SLC1A5: variants seen among roughly 807,000 people sequenced by gnomAD.
SLC1A5 encodes solute carrier family 1 member 5.
SLC1A5 carries 25 observed loss-of-function variants against 34.9 expected under a neutral mutation model. That is an observed-to-expected ratio of 0.72 (90% CI 0.52 to 1.00). SLC1A5 has a LOEUF of 1.00. Ranked by LOEUF, SLC1A5 falls within the 50% of genes least tolerant of loss-of-function variation. The pLI, the probability that SLC1A5 is intolerant of heterozygous loss-of-function variation, is 0.00. For synonymous variants in SLC1A5, 351 were observed against 341.2 expected (o/e 1.03, Z -0.32); for missense variants, 637 against 740.0 (o/e 0.86, Z 1.61).
At chr19:46,782,108 C>T (rs111759605) in intron 4 of SLC1A5, among the ~76,000 whole-genome samples, 26 of 152,220 alleles carry the variant, frequency 1.7e-4, no homozygotes, top group African/African-American at 6.0e-4. Flanking sequence ...GTTGGCCAGG[C>T]TGGTTTTGAA....
intron 4 of SLC1A5, 38 bp downstream of exon 4, chr19:46,782,345 A>ACCCCCCCCCCC: frequency 3.4e-6 from 1 of 292,428 alleles, no homozygotes; most frequent in Non-Finnish European, 6.7e-6. Context: ...CCGACCCTCC[A>ACCCCCCCCCCC]ACCCCACCCA....
Position 46,787,903 on chromosome 19 carries a change from C to T in SLC1A5, c.63G>A (p.Gly21=). 2 of 1,573,582 alleles carry T rather than the reference C, an allele frequency of 1.3e-6. No individual in the cohort carries two copies. The highest frequency in any genetic ancestry group is 1.7e-6 in the Non-Finnish European group (2 of 1,161,086). The change falls in exon 1 of 8, where the codon GGG becomes GGA. Residue 21 remains glycine (G), a synonymous_variant. Transcript: ENST00000542575. This position sits in a 1 kb window ranked among gnomAD's most constrained non-coding sequence, Gnocchi z 5.2. The part of the protein sequence containing the change: ...GLAAAEPTAN[G]GLALASIEDQ... ...CCTCGATGGAGGCCAGCGCCAGGCCCCCGTTGGCGGTGGGCTCCGCCGCTG... is the reference window on the plus strand; with the variant it reads ...CCTCGATGGAGGCCAGCGCCAGGCCTCCGTTGGCGGTGGGCTCCGCCGCTG...
At chr19:46,776,270 G>A (rs534458315) in intron 7 of SLC1A5, among the ~76,000 whole-genome samples, 3 of 145,078 alleles carry the variant, frequency 2.1e-5, no homozygotes, top group South Asian at 2.2e-4. Context: ...GCACAATCTC[G>A]GCTCACTGCA....
At position 46,775,788 on chromosome 19, in the gene SLC1A5, G is replaced by A. The variant is rs202081088; in HGVS notation, c.1389-41C>T. 187 of 1,586,538 alleles carry A rather than the reference G, an allele frequency of 1.2e-4. 1 individual carries two copies. In the African/African-American group the frequency reaches 2.0e-3, roughly 17 times the overall value. ...TGACAGCAAAGTAAGCGGGAGGGGA[G>A]AGGGTGAGAGGGAAGGAAAGGGCCA... On this transcript the variant is annotated intron_variant, in intron 7 of 7. Transcript: ENST00000542575.
intron 3 of SLC1A5, among the ~76,000 whole-genome samples, chr19:46,783,295 C>A (rs1185363593): frequency 2.6e-5 from 4 of 151,848 alleles, no homozygotes; most frequent in Admixed American, 2.6e-4. Flanking sequence ...GAAACCCCAT[C>A]TCTACTAAAA....
At chr19:46,785,807 C>T (rs940917113) in intron 1 of SLC1A5, among the ~76,000 whole-genome samples, 2 of 152,104 alleles carry the variant, frequency 1.3e-5, no homozygotes, top group Admixed American at 6.6e-5. Context: ...TGGCCGGGTG[C>T]GGTGGCTCAC....
intron 7 of SLC1A5, chr19:46,776,773 C>A: frequency 1.7e-6 from 1 of 576,000 alleles, no homozygotes; most frequent in African/African-American, 1.9e-5. Flanking sequence ...CACACAGACG[C>A]TCTACTTTTC....
intron 4 of SLC1A5, among the ~76,000 whole-genome samples, chr19:46,780,589 C>G (rs1256340644): frequency 2.0e-5 from 3 of 151,104 alleles, no homozygotes; most frequent in Admixed American, 2.0e-4. Flanking sequence ...AACTCCTGGC[C>G]TCAAGCAATC....
At position 46,787,339 on chromosome 19, in the gene SLC1A5, A is replaced by C. The variant is rs2055193416; in HGVS notation, c.566+61T>G. The C allele has an allele frequency of 1.0e-5, 16 of 1,547,932 alleles. No homozygotes were observed. The highest frequency in any genetic ancestry group is 1.4e-5 in the Non-Finnish European group (16 of 1,146,108). ...GGGGCCCCAAAGCCCCGTCCTGTCC[A>C]CGTGACCACTCCCGCCATCCGTAAC... On this transcript the variant is annotated intron_variant, in intron 1 of 7. Coordinates refer to ENST00000542575, the MANE Select transcript of SLC1A5 (RefSeq NM_005628.3). This position sits in a 1 kb window ranked among gnomAD's most constrained non-coding sequence, Gnocchi z 5.2.
chr19:46,775,519 T>C lies in SLC1A5; in HGVS notation c.1617A>G (p.Ser539=), dbSNP rs201080057. 2 of 1,609,848 alleles carry C rather than the reference T, an allele frequency of 1.2e-6. No individual in the cohort carries two copies. Among genetic ancestry groups the C allele is most frequent in the African/African-American group, 1.3e-5 (1 of 74,968 alleles). ...AGGTCCCTCCCGGGGTTTACATGAC[T>C]GATTCCTTCTCAGAGGCGACCGTGG... is the stretch of plus-strand genomic sequence containing the variant. The part of the protein sequence containing the change: ...GDATVASEKE[S]VM The change falls in exon 8 of 8, where the codon TCA becomes TCG. Residue 539 remains serine (S), a synonymous_variant. Coordinates refer to ENST00000542575, the MANE Select transcript of SLC1A5 (RefSeq NM_005628.3).
At position 46,775,705 on chromosome 19, in the gene SLC1A5, C is replaced by A. The variant is rs2055082217; in HGVS notation, c.1431G>T (p.Leu477=). ...CGTAATTTTGGAGGAGTCCTGCCCC[C>A]AGAGCGTCACCTTCTACATTGAGGA... ...CTVLNVEGDA[L]GAGLLQNYVD... Residue 477 remains leucine (L), a synonymous_variant, in exon 8 of 8, where the codon CTG becomes CTT. Transcript: ENST00000542575. The A allele has an allele frequency of 3.7e-6, 6 of 1,614,072 alleles. No individual in the cohort carries two copies. Among genetic ancestry groups the A allele is most frequent in the Non-Finnish European group, 5.1e-6 (6 of 1,179,978 alleles).
In SLC1A5 at chr19:46,775,334, C is replaced by T; in HGVS notation, c.*176G>A. 6.9e-7 allele frequency: 1 copy of T among 1,454,364 alleles called. No individual in the cohort carries two copies. Among genetic ancestry groups the T allele is most frequent in the Non-Finnish European group, 9.0e-7 (1 of 1,106,394 alleles). The allele number at this position is 1,454,364 out of a possible 1,614,324, so 90.1% of individuals were successfully genotyped here. A position where few individuals can be genotyped will look rare whatever the true frequency, so the allele number is the denominator to read the frequency against. Reference sequence around the variant, plus strand: ...TTTTGAGGAGTAACCCTTGTGAACACATGTACTCCAGCAGCCAGGCATCCC... The same window carrying T: ...TTTTGAGGAGTAACCCTTGTGAACATATGTACTCCAGCAGCCAGGCATCCC... On this transcript the variant is annotated 3_prime_UTR_variant, in exon 8 of 8. Coordinates refer to ENST00000542575, the MANE Select transcript of SLC1A5 (RefSeq NM_005628.3).
Position 46,775,707 on chromosome 19 carries a change from G to C in SLC1A5, c.1429C>G (p.Leu477Val), listed in dbSNP as rs2055082263. ...TAATTTTGGAGGAGTCCTGCCCCCA[G>C]AGCGTCACCTTCTACATTGAGGACG... The part of the protein sequence containing the change: ...CTVLNVEGDA[L>V]GAGLLQNYVD... Residue 477 changes from leucine (L) to valine (V), a missense_variant, in exon 8 of 8, where the codon CTG (leucine) becomes GTG (valine). Physicochemically the swap from Leu to Val is conservative, Grantham distance 32. Coordinates refer to ENST00000542575, the MANE Select transcript of SLC1A5 (RefSeq NM_005628.3). 3 of 1,614,042 alleles carry C rather than the reference G, an allele frequency of 1.9e-6. No individual in the cohort carries two copies. The highest frequency in any genetic ancestry group is 2.5e-6 in the Non-Finnish European group (3 of 1,179,978).
chr19:46,784,600 T>C (rs754578842), intron 1 of SLC1A5, 41 bp from the exon 2 acceptor site: 5 of 1,613,850 alleles, frequency 3.1e-6, no homozygotes, highest in South Asian at 1.1e-5. Context: ...GATACCATAG[T>C]GGGAGGGCAG....
At chr19:46,776,061 G>A (rs1285098609) in intron 7 of SLC1A5, among the ~76,000 whole-genome samples, 1 of 151,902 alleles carries the variant, frequency 6.6e-6, no homozygotes, top group East Asian at 1.9e-4. Context: ...ACTCCAGCCT[G>A]GGTGACAGAG....
intron 5 of SLC1A5, among the ~76,000 whole-genome samples, chr19:46,777,701 G>A (rs980257264): frequency 1.2e-5 from 1 of 82,118 alleles, no homozygotes; most frequent in Non-Finnish European, 2.4e-5. Context: ...CACTTGCCCA[G>A]CCAAAGCCCC....
At chr19:46,778,414 C>A (rs57395126) in intron 5 of SLC1A5, among the ~76,000 whole-genome samples, 1 of 151,948 alleles carries the variant, frequency 6.6e-6, no homozygotes, top group Non-Finnish European at 1.5e-5. Context: ...GGCAACAGAG[C>A]GAGACGCCAT....
chr19:46,784,747 T>C (rs774893555), intron 1 of SLC1A5, 188 bp from the exon 2 acceptor site: 18 of 1,470,402 alleles, frequency 1.2e-5, no homozygotes, highest in Non-Finnish European at 1.5e-5. Flanking sequence ...TTGCAGGACT[T>C]GGGGAGTCAG....
chr19:46,775,823 C>T, intron 7 of SLC1A5, 76 bp from the exon 8 acceptor site: 3 of 1,431,336 alleles, frequency 2.1e-6, no homozygotes, highest in South Asian at 2.8e-5. Flanking sequence ...AAGGCCTAAG[C>T]CTCCTGCCTC....
Sources: allele counts gnomAD v4.1 joint callset (sites outside exome capture counted in the v4.1 genomes callset), GRCh38; gene constraint gnomAD v4.1.1; non-coding constraint Gnocchi (gnomAD v3.1); transcripts MANE v1.5; gene names NCBI Gene and HGNC (gene_info 2026-07-23, HGNC 2026-07-21).